The following CLEC17A variants were observed in gnomAD, a reference collection of about 807,000 sequenced individuals.
CLEC17A encodes the protein C-type lectin domain containing 17A, also known as C-type lectin domain family 17, member A.
A neutral mutation model predicts 61.3 loss-of-function variants in CLEC17A; 37 were observed. The ratio of observed to expected loss-of-function variants is 0.60; its 90% CI spans 0.46 to 0.79. CLEC17A has a LOEUF of 0.79. Among genes scored for constraint, CLEC17A ranks in the 30% least tolerant of loss-of-function variants. CLEC17A has a pLI of 0.00. For synonymous variants in CLEC17A, 168 were observed against 164.9 expected (o/e 1.02, Z -0.14); for missense variants, 418 against 464.7 (o/e 0.90, Z 0.92).
At chr19:14,608,969 T>C (rs2074978228) in intron 13 of CLEC17A, among the ~76,000 whole-genome samples, 1 of 151,928 alleles carries the variant, frequency 6.6e-6, no homozygotes, top group Non-Finnish European at 1.5e-5. Context: ...TTGGTTAATT[T>C]TTGTAGTTTT....
At chr19:14,606,666 C>T (rs985474293) in intron 12 of CLEC17A, among the ~76,000 whole-genome samples, 2 of 143,794 alleles carry the variant, frequency 1.4e-5, no homozygotes, top group East Asian at 2.0e-4. Context: ...GGTGACAGAG[C>T]GAGACTCCCT....
intron 3 of CLEC17A, among the ~76,000 whole-genome samples, chr19:14,589,712 C>G (rs917228525): frequency 6.6e-6 from 1 of 151,666 alleles, no homozygotes; most frequent in East Asian, 1.9e-4. Context: ...GTGACCTTTA[C>G]GTTCTCATAT....
intron 12 of CLEC17A, among the ~76,000 whole-genome samples, chr19:14,604,097 T>C (rs930329272): frequency 6.6e-6 from 1 of 152,110 alleles, no homozygotes; most frequent in African/African-American, 2.4e-5. Context: ...CATTCTGGGG[T>C]CTAAGACACT....
At chr19:14,607,208 T>TA in intron 13 of CLEC17A, 106 bp downstream of exon 13, 2 of 416,554 alleles carry the variant, frequency 4.8e-6, no homozygotes, top group Non-Finnish European at 7.7e-6. Flanking sequence ...AGGAGCTGTT[T>TA]CTTTTTTTTT....
chr19:14,599,079 CTTTTTTTTTTTTTTTT>C (rs796835309), intron 10 of CLEC17A, among the ~76,000 whole-genome samples: 1 of 56,944 alleles, frequency 1.8e-5, no homozygotes, highest in African/African-American at 7.8e-5. Context: ...TGTATCTTTG[CTTTTTTTTTTTTTTTT>C]TTTTTTTTTT....
intron 12 of CLEC17A, among the ~76,000 whole-genome samples, chr19:14,606,083 C>T (rs1255739865): frequency 2.0e-5 from 3 of 152,054 alleles, no homozygotes; most frequent in Admixed American, 6.6e-5. Context: ...TTTCATCTTC[C>T]TTCCTTCTTT....
chr19:14,591,315 T>C (rs1470656226), intron 3 of CLEC17A, among the ~76,000 whole-genome samples: 3 of 151,564 alleles, frequency 2.0e-5, no homozygotes, highest in East Asian at 2.0e-4. Flanking sequence ...CCACCACGCC[T>C]GGCTAATTTT....
chr19:14,597,692 T>TCA (rs1021004694), intron 10 of CLEC17A, among the ~76,000 whole-genome samples: 23 of 152,248 alleles, frequency 1.5e-4, no homozygotes, highest in Middle Eastern at 3.4e-3. Context: ...TGAGCCATGA[T>TCA]CACACTCAAG....
intron 2 of CLEC17A, among the ~76,000 whole-genome samples, chr19:14,586,446 G>A (rs1485033799): frequency 6.6e-6 from 1 of 151,334 alleles, no homozygotes; most frequent in Non-Finnish European, 1.5e-5. Flanking sequence ...TTTTAAGAGT[G>A]GGGTCTCCCT....
chr19:14,583,222 T>C lies in CLEC17A; in HGVS notation c.43+19T>C. ...CCACCAGGTAAGGCCCCGGCCAGGC[T>C]GGGGCTGGGGCCTAGGTGTGGTCAG... On this transcript the variant is annotated intron_variant, in intron 1 of 13. Transcript: ENST00000417570. The C allele has an allele frequency of 6.2e-7, 1 of 1,613,716 alleles. No homozygotes were observed. Among genetic ancestry groups the C allele is most frequent in the Non-Finnish European group, 8.5e-7 (1 of 1,179,806 alleles).
At chr19:14,594,445 C>T in intron 4 of CLEC17A, 72 bp from the exon 5 acceptor site, 1 of 1,536,674 alleles carries the variant, frequency 6.5e-7, no homozygotes, top group East Asian at 2.4e-5. Flanking sequence ...AATCCTAACC[C>T]TGTTTCCATC....
intron 12 of CLEC17A, among the ~76,000 whole-genome samples, chr19:14,603,834 A>G (rs1568460796): frequency 6.6e-6 from 1 of 152,294 alleles, no homozygotes; most frequent in South Asian, 2.1e-4. Context: ...GCTGGAGACT[A>G]TTCTACATAT....
At position 14,583,088 on chromosome 19, in the gene CLEC17A, G is replaced by T. The variant is rs200207148; in HGVS notation, c.-73G>T. On this transcript the variant is annotated 5_prime_UTR_variant, in exon 1 of 14. Transcript: ENST00000417570. ...AAGGGAACTGAGAGAGCCCCCAGAC[G>T]CCTGAGTCGGAGAGACAGGGGGCAG... 1 of 1,538,088 alleles carries T rather than the reference G, an allele frequency of 6.5e-7. No individual in the cohort carries two copies. The highest frequency in any genetic ancestry group is 9.0e-7 in the Non-Finnish European group (1 of 1,115,934).
intron 12 of CLEC17A, among the ~76,000 whole-genome samples, chr19:14,604,899 C>T (rs2074816827): frequency 1.3e-5 from 2 of 152,068 alleles, no homozygotes; most frequent in Admixed American, 6.6e-5. Context: ...GTAAAAAATT[C>T]TTAAAACACA....
intron 3 of CLEC17A, among the ~76,000 whole-genome samples, chr19:14,591,434 G>T (rs1237591114): frequency 6.7e-6 from 1 of 148,244 alleles, no homozygotes; most frequent in East Asian, 2.0e-4. Flanking sequence ...GATTACAGGC[G>T]TGAGCCACCG....
intron 10 of CLEC17A, among the ~76,000 whole-genome samples, chr19:14,598,356 C>A (rs1038424829): frequency 6.7e-6 from 1 of 148,792 alleles, no homozygotes; most frequent in Non-Finnish European, 1.5e-5. Flanking sequence ...CTTTCTTTTT[C>A]TTTTTCCTTC....
In CLEC17A at chr19:14,611,871, G is replaced by A. The variant is rs1378412889; in HGVS notation, c.*1675G>A. Among the ~76,000 whole-genome samples the A allele has an allele frequency of 6.6e-6, 1 of 152,082 alleles. No homozygotes were observed. The highest frequency in any genetic ancestry group is 1.5e-5 in the Non-Finnish European group (1 of 68,008). On this transcript the variant is annotated 3_prime_UTR_variant, in exon 14 of 14. Coordinates refer to ENST00000417570, the MANE Select transcript of CLEC17A (RefSeq NM_001204118.2). The stretch of plus-strand genomic sequence containing the variant: ...ACAAAAAAATTAGCTGGGCGTGGTG[G>A]CATGTGCCTGTAATCCCAGCTACTC...
chr19:14,594,941 G>T, intron 7 of CLEC17A, 141 bp downstream of exon 7: 1 of 842,906 alleles, frequency 1.2e-6, no homozygotes, highest in Non-Finnish European at 1.9e-6. Context: ...GTGCGATACT[G>T]GCTCACTGCA....
chr19:14,610,027 G>T (rs1414133558), intron 13 of CLEC17A, 37 bp from the exon 14 acceptor site: 2 of 1,506,298 alleles, frequency 1.3e-6, no homozygotes, highest in East Asian at 2.3e-5. Flanking sequence ...CCACCCTAAA[G>T]ATCCCTGTCC....
Sources: gnomAD v4.1 joint callset for allele counts (sites outside exome capture counted in the v4.1 genomes callset) on GRCh38, gnomAD v4.1.1 for gene constraint, MANE v1.5 for transcripts, NCBI Gene and HGNC (gene_info 2026-07-23, HGNC 2026-07-21) for gene names.